RGS5: variants seen among roughly 807,000 people sequenced by gnomAD.
RGS5 encodes the protein regulator of G-protein signalling 5.
RGS5 carries 20 observed loss-of-function variants against 18.9 expected under a neutral mutation model. The ratio of observed to expected loss-of-function variants is 1.06; its 90% CI spans 0.74 to 1.54. The LOEUF (loss-of-function observed/expected upper bound fraction) is 1.54, where lower values mean the gene tolerates loss of function less well. RGS5 is among the 40% of genes most tolerant of loss of function. The probability of loss-of-function intolerance (pLI) is 0.00; values close to 1 mark genes in which losing one functional copy is unlikely to be tolerated. For missense variants in RGS5, 201 were observed against 211.8 expected, an observed-to-expected ratio of 0.95 and a Z score of 0.32; for synonymous variants, 57 against 76.2, an observed-to-expected ratio of 0.75 and a Z score of 1.31.
Position 163,147,305 on chromosome 1 carries a change from A to AT in RGS5, c.*36dup. The AT allele has an allele frequency of 1.3e-6, 2 of 1,550,910 alleles. No homozygotes were observed. The highest frequency in any genetic ancestry group is 1.7e-6 in the Non-Finnish European group (2 of 1,150,690). On this transcript the variant is annotated 3_prime_UTR_variant, in exon 5 of 5. Coordinates refer to ENST00000313961, the MANE Select transcript of RGS5 (RefSeq NM_003617.4). Reference sequence around the variant, plus strand: ...GAAATGCAGGGTTATTATGGAGGAAATAACTCACAGGATGATTTCATAGCC... The same window carrying AT: ...GAAATGCAGGGTTATTATGGAGGAAATTAACTCACAGGATGATTTCATAGCC...
At chr1:163,279,866 A>G (rs1213958286) in intron 2 of RGS5, among the ~76,000 whole-genome samples, 1 of 151,974 alleles carries the variant, frequency 6.6e-6, no homozygotes, top group East Asian at 1.9e-4. Flanking sequence ...ATCATTAGAG[A>G]GTATTATGAA....
At chr1:163,165,454 T>A (rs965092054) in intron 2 of RGS5, among the ~76,000 whole-genome samples, 23 of 152,280 alleles carry the variant, frequency 1.5e-4, no homozygotes, top group Admixed American at 1.4e-3. Context: ...ACTAAACCTA[T>A]GTGGTTGGCT....
At chr1:163,314,396 A>G (rs1649957167) in intron 1 of RGS5, among the ~76,000 whole-genome samples, 1 of 152,114 alleles carries the variant, frequency 6.6e-6, no homozygotes, top group Non-Finnish European at 1.5e-5. Flanking sequence ...AGAAAACAGG[A>G]TTTGAAAAAG....
At chr1:163,193,076 C>T (rs1659421573) in intron 1 of RGS5, among the ~76,000 whole-genome samples, 1 of 152,164 alleles carries the variant, frequency 6.6e-6, no homozygotes, top group Admixed American at 6.6e-5. Flanking sequence ...CAAACACTTG[C>T]AAAGGAGAGC....
chr1:163,309,571 G>A (rs1299978013), intron 1 of RGS5, among the ~76,000 whole-genome samples: 2 of 151,678 alleles, frequency 1.3e-5, no homozygotes, highest in Admixed American at 6.6e-5. Context: ...CAGCAATTTA[G>A]TCACATCTTC....
At chr1:163,208,916 TACAC>T (rs1309398424) in intron 1 of RGS5, among the ~76,000 whole-genome samples, 1 of 151,816 alleles carries the variant, frequency 6.6e-6, no homozygotes, top group Non-Finnish European at 1.5e-5. Flanking sequence ...CACACACACA[TACAC>T]ACACACTCAC....
In RGS5 at chr1:163,193,267, A is replaced by G. The variant is rs115340474; in HGVS notation, c.44+9525T>C. On this transcript the variant is annotated intron_variant, in intron 1 of 4. Coordinates refer to ENST00000313961, the MANE Select transcript of RGS5 (RefSeq NM_003617.4). Reference sequence around the variant, plus strand: ...AGTTAGGAAGGAAAACATGGAGAATATAGAATAAAGGTCTTAGCCTCATTT... The same window carrying G: ...AGTTAGGAAGGAAAACATGGAGAATGTAGAATAAAGGTCTTAGCCTCATTT... 9.2e-3 allele frequency among the ~76,000 whole-genome samples: 1,399 copies of G among 152,320 alleles called. 6 individuals carry two copies. The highest frequency in any genetic ancestry group is 0.016 in the Non-Finnish European group (1,085 of 68,032).
chr1:163,189,279 T>C (rs955674365), intron 1 of RGS5, among the ~76,000 whole-genome samples: 7 of 152,182 alleles, frequency 4.6e-5, no homozygotes, highest in African/African-American at 1.2e-4. Context: ...TCATGGGTTG[T>C]ACATATGCTA....
chr1:163,263,917 T>C (rs1200096333), intron 2 of RGS5, among the ~76,000 whole-genome samples: 1 of 151,232 alleles, frequency 6.6e-6, no homozygotes, highest in African/African-American at 2.4e-5. Flanking sequence ...CCAGGTGTAA[T>C]TGAGTTAAAT....
chr1:163,184,421 A>G (rs906684811), intron 1 of RGS5, among the ~76,000 whole-genome samples: 1 of 151,786 alleles, frequency 6.6e-6, no homozygotes, highest in Non-Finnish European at 1.5e-5. Flanking sequence ...AAAAAAGGGA[A>G]GAACAATGTC....
At chr1:163,204,853 T>C (rs1659904567), upstream of RGS5, among the ~76,000 whole-genome samples, 2 of 152,070 alleles carry the variant, frequency 1.3e-5, no homozygotes, top group South Asian at 4.1e-4. Context: ...CTTGAGGAGA[T>C]AATAATATGA....
intron 1 of RGS5, among the ~76,000 whole-genome samples, chr1:163,198,952 G>C (rs2999860): frequency 0.22 from 33,056 of 152,024 alleles, 4,122 homozygotes; most frequent in African/African-American, 0.34. Context: ...TTACAGGCAG[G>C]AGTAATGTGC....
At chr1:163,227,572 A>G (rs1647366982) in intron 2 of RGS5, among the ~76,000 whole-genome samples, 1 of 151,774 alleles carries the variant, frequency 6.6e-6, no homozygotes, top group Non-Finnish European at 1.5e-5. Flanking sequence ...GCCAAACCAT[A>G]TCATTCCACC....
chr1:163,255,381 G>A (rs963334930), intron 2 of RGS5, among the ~76,000 whole-genome samples: 3 of 152,016 alleles, frequency 2.0e-5, no homozygotes, highest in Non-Finnish European at 4.4e-5. Flanking sequence ...TAAATTCCTC[G>A]ACACATACAT....
chr1:163,308,771 C>T (rs1649774546), intron 1 of RGS5: 1 of 152,120 alleles, frequency 6.6e-6, no homozygotes, highest in African/African-American at 2.4e-5. Flanking sequence ...TACAGGCATA[C>T]CTCAGAGATA....
At chr1:163,304,710 A>C (rs1025641166) in intron 2 of RGS5, 1 of 152,208 alleles carries the variant, frequency 6.6e-6, no homozygotes, top group Non-Finnish European at 1.5e-5. Context: ...ATCAATATAT[A>C]TTTGTTAAGT....
chr1:163,299,076 T>C (rs1224008919), intron 2 of RGS5, among the ~76,000 whole-genome samples: 3 of 152,118 alleles, frequency 2.0e-5, no homozygotes, highest in African/African-American at 4.8e-5. Flanking sequence ...CAGTAGTATG[T>C]TGGGGGTAGG....
chr1:163,320,386 C>T (rs1246234111), intron 1 of RGS5, among the ~76,000 whole-genome samples: 1 of 152,296 alleles, frequency 6.6e-6, no homozygotes, highest in South Asian at 2.1e-4. Context: ...GCAGATAGAA[C>T]TGTCACCCTA....
chr1:163,193,917 A>C (rs532132385), intron 1 of RGS5, among the ~76,000 whole-genome samples: 2 of 152,262 alleles, frequency 1.3e-5, no homozygotes, highest in East Asian at 3.9e-4. Flanking sequence ...CCACTGGAGA[A>C]AATGTAGTGT....
Sources: allele counts gnomAD v4.1 joint callset (sites outside exome capture counted in the v4.1 genomes callset), GRCh38; gene constraint gnomAD v4.1.1; transcripts MANE v1.5; gene names NCBI Gene and HGNC (gene_info 2026-07-23, HGNC 2026-07-21).